Variants in STK33 observed in about 807,000 individuals in gnomAD.
STK33 encodes the protein serine/threonine kinase 33.
A neutral mutation model predicts 58.0 loss-of-function variants in STK33; 52 were observed. That is an observed-to-expected ratio of 0.90 (90% CI 0.72 to 1.13). The LOEUF (loss-of-function observed/expected upper bound fraction) is 1.13. Among genes scored for constraint, STK33 ranks in the 50% most tolerant of loss-of-function variants. The pLI, the probability that STK33 is intolerant of heterozygous loss-of-function variation, is 0.00. For synonymous variants in STK33, 215 were observed against 200.1 expected (o/e 1.07, Z -0.63); for missense variants, 630 against 604.2 (o/e 1.04, Z -0.45).
intron 11 of STK33, among the ~76,000 whole-genome samples, chr11:8,445,381 T>C (rs1406596574): frequency 6.6e-6 from 1 of 152,208 alleles, no homozygotes; most frequent in Non-Finnish European, 1.5e-5. Flanking sequence ...TTCTTTCTCT[T>C]GCCTGACTGC....
intron 15 of STK33, among the ~76,000 whole-genome samples, chr11:8,397,037 C>A (rs979061637): frequency 1.3e-5 from 2 of 152,210 alleles, no homozygotes; most frequent in African/African-American, 4.8e-5. Flanking sequence ...CCTCTGGGGG[C>A]AGGGCACAGA....
intron 1 of STK33, among the ~76,000 whole-genome samples, chr11:8,516,157 A>G (rs1338724950): frequency 6.6e-6 from 1 of 152,262 alleles, no homozygotes; most frequent in Non-Finnish European, 1.5e-5. Context: ...ATTTGGAAAT[A>G]TATTACAAAG....
At chr11:8,420,149 TA>T (rs1941705513) in intron 14 of STK33, among the ~76,000 whole-genome samples, 1 of 152,042 alleles carries the variant, frequency 6.6e-6, no homozygotes, top group African/African-American at 2.4e-5. Flanking sequence ...ATAATCAATG[TA>T]AATTATAGTA....
intron 1 of STK33, among the ~76,000 whole-genome samples, chr11:8,550,241 T>C (rs933523117): frequency 3.9e-5 from 6 of 152,232 alleles, no homozygotes; most frequent in Non-Finnish European, 7.3e-5. Context: ...GGTCCCGGAA[T>C]ATGTAATTAA....
intron 15 of STK33, among the ~76,000 whole-genome samples, chr11:8,405,093 G>T (rs147101190): frequency 3.6e-4 from 55 of 152,142 alleles, no homozygotes; most frequent in African/African-American, 1.3e-3. Context: ...CTGAGATTGC[G>T]CCATTGCAAT....
intron 14 of STK33, among the ~76,000 whole-genome samples, chr11:8,424,799 G>A (rs1942479325): frequency 8.0e-6 from 1 of 125,510 alleles, no homozygotes; most frequent in African/African-American, 3.5e-5. Context: ...TTTGAGAAGT[G>A]TCCGTTCATA....
intron 1 of STK33, among the ~76,000 whole-genome samples, chr11:8,574,048 C>A (rs1260231002): frequency 6.6e-6 from 1 of 152,170 alleles, no homozygotes; most frequent in East Asian, 1.9e-4. Flanking sequence ...TGCCCATGGA[C>A]CCCAACACCA....
chr11:8,536,318 T>C (rs889146759), intron 1 of STK33, among the ~76,000 whole-genome samples: 3 of 152,176 alleles, frequency 2.0e-5, no homozygotes, highest in Admixed American at 6.5e-5. Flanking sequence ...CATAAATTTG[T>C]ACAAATTTTT....
intron 15 of STK33, among the ~76,000 whole-genome samples, chr11:8,412,964 A>G (rs1322334085): frequency 1.3e-5 from 2 of 152,238 alleles, no homozygotes; most frequent in African/African-American, 4.8e-5. Context: ...ACCTATATAA[A>G]AAGTTTTTGT....
intron 1 of STK33, among the ~76,000 whole-genome samples, chr11:8,588,087 G>T (rs1336323906): frequency 6.6e-6 from 1 of 152,136 alleles, no homozygotes; most frequent in African/African-American, 2.4e-5. Flanking sequence ...AGAGAACAGA[G>T]AGCACTCTCA....
At chr11:8,343,938 C>T in the STK33 span, among the ~76,000 whole-genome samples, 1 of 152,148 alleles carries the variant, frequency 6.6e-6, no homozygotes, top group East Asian at 1.9e-4. Context: ...GCTTTGACTG[C>T]CCTTCCACTC....
intron 1 of STK33, among the ~76,000 whole-genome samples, chr11:8,553,224 T>TATAG (rs1956480078): frequency 1.0e-5 from 1 of 99,800 alleles, no homozygotes; most frequent in Non-Finnish European, 2.0e-5. Context: ...TATATATATA[T>TATAG]GGTGTGTATA....
At chr11:8,337,712 G>A in the STK33 span, among the ~76,000 whole-genome samples, 2 of 151,096 alleles carry the variant, frequency 1.3e-5, no homozygotes, top group African/African-American at 4.9e-5. Context: ...CTCGTCTACC[G>A]CTCCCCCGCC....
chr11:8,431,827 T>C (rs1943459247), intron 14 of STK33, among the ~76,000 whole-genome samples: 1 of 152,162 alleles, frequency 6.6e-6, no homozygotes, highest in Non-Finnish European at 1.5e-5. Context: ...AGTCTCACAA[T>C]TTTCTTTCCT....
chr11:8,390,582 T>G (rs988607046), downstream of STK33, among the ~76,000 whole-genome samples: 2 of 152,160 alleles, frequency 1.3e-5, no homozygotes, highest in African/African-American at 4.8e-5. Flanking sequence ...ACAAAAATGA[T>G]GTGGAAATTC....
At chr11:8,569,957 A>C (rs1316122985) in intron 1 of STK33, among the ~76,000 whole-genome samples, 1 of 152,158 alleles carries the variant, frequency 6.6e-6, no homozygotes, top group Admixed American at 6.6e-5. Context: ...TCAAAAAAAT[A>C]AATAAATAGA....
At chr11:8,426,807 C>G (rs1481608311) in intron 14 of STK33, among the ~76,000 whole-genome samples, 1 of 151,940 alleles carries the variant, frequency 6.6e-6, no homozygotes, top group Non-Finnish European at 1.5e-5. Context: ...CAGTCTCTGC[C>G]CCCTTCCATA....
intron 1 of STK33, chr11:8,580,788 A>G (rs1231533941): frequency 6.6e-6 from 1 of 152,116 alleles, no homozygotes; most frequent in East Asian, 1.9e-4. Context: ...GCAAATTGTA[A>G]AAAAAGAAAA....
At chr11:8,344,781 G>T in the STK33 span, among the ~76,000 whole-genome samples, 3 of 152,208 alleles carry the variant, frequency 2.0e-5, no homozygotes, top group Non-Finnish European at 2.9e-5. Flanking sequence ...CAAATCCCAC[G>T]GTTGGCTGAT....
Sources: allele counts gnomAD v4.1 joint callset (sites outside exome capture counted in the v4.1 genomes callset), GRCh38; gene constraint gnomAD v4.1.1; transcripts MANE v1.5; gene names NCBI Gene and HGNC (gene_info 2026-07-23, HGNC 2026-07-21).